KASH5: variants seen among roughly 807,000 people sequenced by gnomAD.
The protein encoded by KASH5 is KASH domain containing 5, also known as protein KASH5.
In KASH5, 72 loss-of-function variants were observed where a neutral mutation model predicts 84.2. That is an observed-to-expected ratio of 0.85 (90% CI 0.71 to 1.04). The LOEUF is 1.04. Among genes scored for constraint, KASH5 ranks in the 50% least tolerant of loss-of-function variants. The pLI is 0.00. For synonymous variants in KASH5, 260 were observed against 279.1 expected, an observed-to-expected ratio of 0.93 and a Z score of 0.68; for missense variants, 650 against 701.0, an observed-to-expected ratio of 0.93 and a Z score of 0.82.
rs2122137709 is a variant in KASH5, at chr19:49,399,176, T to C, written c.747+34T>C. 1.3e-6 allele frequency: 2 copies of C among 1,509,420 alleles called. No homozygotes were observed. The highest frequency in any genetic ancestry group is 8.9e-7 in the Non-Finnish European group (1 of 1,119,540). The allele number at this position is 1,509,420 out of a possible 1,614,324, so 93.5% of individuals were successfully genotyped here. On this transcript the variant is annotated intron_variant, in intron 8 of 19. Coordinates refer to ENST00000447857, the MANE Select transcript of KASH5 (RefSeq NM_144688.5). This position sits in a 1 kb window ranked among gnomAD's most constrained non-coding sequence, Gnocchi z 4.4. ...GGCCCAGGGGAAGGAAGGTGCCCTC[T>C]CTCTTCTTTGTTTCCTGGAGTCAGG... is the stretch of plus-strand genomic sequence containing the variant.
Position 49,408,947 on chromosome 19 carries a change from C to T in KASH5, c.994-20C>T, listed in dbSNP as rs1446760841. The T allele has an allele frequency of 3.8e-6, 6 of 1,566,192 alleles. No homozygotes were observed. In the East Asian group the frequency reaches 1.2e-4, roughly 31 times the overall value. On this transcript the variant is annotated intron_variant, in intron 12 of 19. Coordinates refer to ENST00000447857, the MANE Select transcript of KASH5 (RefSeq NM_144688.5). ...GGAAAAATGCAGAGCCAAATGTGCT[C>T]CCCACTTCCTCCTTTGCAGGAACTG... is the stretch of plus-strand genomic sequence containing the variant.
At position 49,417,701 on chromosome 19, in the gene KASH5, A is replaced by T. The variant is rs1974958383; in HGVS notation, c.*191A>T. 1 of 673,242 alleles carries T rather than the reference A, an allele frequency of 1.5e-6. No individual in the cohort carries two copies. The allele number at this position is 673,242 out of a possible 1,614,324, so 41.7% of individuals were successfully genotyped here. ...GCTGACATTTCTTAACAATAGCAAAACTCCCCCAGTAATGGATTAAGCACT... is the reference window on the plus strand; with the variant it reads ...GCTGACATTTCTTAACAATAGCAAATCTCCCCCAGTAATGGATTAAGCACT... On this transcript the variant is annotated 3_prime_UTR_variant, in exon 20 of 20. Coordinates refer to ENST00000447857, the MANE Select transcript of KASH5 (RefSeq NM_144688.5). This position sits in a 1 kb window ranked among gnomAD's most constrained non-coding sequence, Gnocchi z 5.2.
intron 11 of KASH5, 108 bp downstream of exon 11, chr19:49,407,404 A>T: frequency 7.8e-7 from 1 of 1,279,784 alleles, no homozygotes; most frequent in Non-Finnish European, 1.1e-6. Context: ...TTGGATGTGC[A>T]GCTGGAGAGA....
chr19:49,393,066 C>G (rs73931776), intron 2 of KASH5, among the ~76,000 whole-genome samples: 1 of 152,086 alleles, frequency 6.6e-6, no homozygotes, highest in African/African-American at 2.4e-5. Context: ...TGCAGAGAAT[C>G]CTGGAAGAGT....
intron 15 of KASH5, among the ~76,000 whole-genome samples, chr19:49,410,851 G>T (rs1974687438): frequency 6.6e-6 from 1 of 151,350 alleles, no homozygotes; most frequent in South Asian, 2.1e-4. Context: ...TCAAACTCCT[G>T]GGCTCAAACT....
At position 49,399,205 on chromosome 19, in the gene KASH5, G is replaced by A; in HGVS notation, c.747+63G>A. 3 of 1,395,596 alleles carry A rather than the reference G, an allele frequency of 2.1e-6. No homozygotes were observed. Among genetic ancestry groups the A allele is most frequent in the Non-Finnish European group, 2.9e-6 (3 of 1,023,634 alleles). The allele number at this position is 1,395,596 out of a possible 1,614,324, so 86.5% of individuals were successfully genotyped here. On this transcript the variant is annotated intron_variant, in intron 8 of 19. Coordinates refer to ENST00000447857, the MANE Select transcript of KASH5 (RefSeq NM_144688.5). The surrounding 1 kb of genome is among the most constrained non-coding windows in gnomAD (Gnocchi z 4.4). ...TTCTTTGTTTCCTGGAGTCAGGGCG[G>A]CAGAGTGTGACTATGGAGTAGGAAG...
intron 2 of KASH5, among the ~76,000 whole-genome samples, chr19:49,391,195 G>C (rs774052158): frequency 6.6e-6 from 1 of 152,132 alleles, no homozygotes; most frequent in African/African-American, 2.4e-5. Context: ...TTCAGATCGC[G>C]GCCCAGATGG....
Position 49,417,534 on chromosome 19 carries a change from C to T in KASH5, c.*24C>T, listed in dbSNP as rs1033521734. The T allele has an allele frequency of 2.7e-6, 4 of 1,507,562 alleles. No homozygotes were observed. The highest frequency in any genetic ancestry group is 3.6e-6 in the Non-Finnish European group (4 of 1,123,186). 93.4% of individuals were successfully genotyped at this position (1,507,562 alleles called of 1,614,324 possible). ...GAGAGGCTCTACTTGCCCCTCAGAG[C>T]AGTGTCTAGCTCAATAAATCCCCTG... On this transcript the variant is annotated 3_prime_UTR_variant, in exon 20 of 20. Transcript: ENST00000447857. The surrounding 1 kb of genome is among the most constrained non-coding windows in gnomAD (Gnocchi z 5.2).
intron 1 of KASH5, among the ~76,000 whole-genome samples, chr19:49,389,007 C>CA (rs1269137358): frequency 6.6e-6 from 1 of 151,832 alleles, no homozygotes; most frequent in Non-Finnish European, 1.5e-5. Context: ...GAAATGCACT[C>CA]AGAGACCCCC....
chr19:49,399,383 G>A lies in KASH5; in HGVS notation c.748-74G>A. 1.4e-6 allele frequency: 2 copies of A among 1,438,908 alleles called. No homozygotes were observed. Among genetic ancestry groups the A allele is most frequent in the South Asian group, 1.2e-5 (1 of 81,994 alleles). 89.1% of individuals were successfully genotyped at this position (1,438,908 alleles called of 1,614,324 possible). ...CCCCCAGGCCCTGGTTGTGTTTTCAGGGGTGGGAGAAGGGCAACATGGGGG... is the reference window on the plus strand; with the variant it reads ...CCCCCAGGCCCTGGTTGTGTTTTCAAGGGTGGGAGAAGGGCAACATGGGGG... On this transcript the variant is annotated intron_variant, in intron 8 of 19. Transcript: ENST00000447857. This position sits in a 1 kb window ranked among gnomAD's most constrained non-coding sequence, Gnocchi z 4.4.
Position 49,399,301 on chromosome 19 carries a change from C to G in KASH5, c.748-156C>G, listed in dbSNP as rs2033815781. On this transcript the variant is annotated intron_variant, in intron 8 of 19. Transcript: ENST00000447857. This position sits in a 1 kb window ranked among gnomAD's most constrained non-coding sequence, Gnocchi z 4.4. Reference sequence around the variant, plus strand: ...CCCTAGACTTTTTCAAGCTTACCTGCCATCCTTCTCATGACAAAGGAGACA... The same window carrying G: ...CCCTAGACTTTTTCAAGCTTACCTGGCATCCTTCTCATGACAAAGGAGACA... 1 of 934,914 alleles carries G rather than the reference C, an allele frequency of 1.1e-6. No individual in the cohort carries two copies. The highest frequency in any genetic ancestry group is 1.6e-5 in the South Asian group (1 of 60,614). 57.9% of individuals were successfully genotyped at this position (934,914 alleles called of 1,614,324 possible). A position where few individuals can be genotyped will look rare whatever the true frequency, so the allele number is the denominator to read the frequency against.
chr19:49,394,437 T>C, intron 2 of KASH5, 39 bp from the exon 3 acceptor site: 1 of 1,539,804 alleles, frequency 6.5e-7, no homozygotes, highest in South Asian at 1.1e-5. Context: ...TCCTTCCTTA[T>C]TCTTCCCACT....
In KASH5 at chr19:49,395,439, C is replaced by A; in HGVS notation, c.335+147C>A. The A allele has an allele frequency of 1.1e-6, 1 of 870,208 alleles. No individual in the cohort carries two copies. Among genetic ancestry groups the A allele is most frequent in the Non-Finnish European group, 1.8e-6 (1 of 564,332 alleles). The allele number at this position is 870,208 out of a possible 1,614,324, so 53.9% of individuals were successfully genotyped here. On this transcript the variant is annotated intron_variant, in intron 4 of 19. Coordinates refer to ENST00000447857, the MANE Select transcript of KASH5 (RefSeq NM_144688.5). This position sits in a 1 kb window ranked among gnomAD's most constrained non-coding sequence, Gnocchi z 4.4. ...GAGAGAAAAATGAAGAGACGGGATT[C>A]AGAGGGGGTAGATAGGGAGTCTGAG...
Position 49,409,759 on chromosome 19 carries a change from G to A in KASH5, c.1153G>A (p.Glu385Lys). The change falls in exon 15 of 20, where the codon GAA becomes AAA. Residue 385 changes from glutamate (E) to lysine (K), a missense_variant. Transcript: ENST00000447857. ...GAAACAACTTCTGTCCCAGAAACAGGAAGTGGCAACTGCTGATCTCTCCAA... is the reference window on the plus strand; with the variant it reads ...GAAACAACTTCTGTCCCAGAAACAGAAAGTGGCAACTGCTGATCTCTCCAA... ...LEIEAIRQKQ[E>K]VATADLSNPL... is the part of the protein sequence containing the mutation. 1 of 1,613,922 alleles carries A rather than the reference G, an allele frequency of 6.2e-7. No individual in the cohort carries two copies. The highest frequency in any genetic ancestry group is 8.5e-7 in the Non-Finnish European group (1 of 1,179,836).
At position 49,414,777 on chromosome 19, in the gene KASH5, G is replaced by C. The variant is rs994561061; in HGVS notation, c.1329-174G>C. Among the ~76,000 whole-genome samples, 3 of 141,392 alleles carry C rather than the reference G, an allele frequency of 2.1e-5. No homozygotes were observed. Among genetic ancestry groups the C allele is most frequent in the Non-Finnish European group, 4.6e-5 (3 of 64,532 alleles). The allele number at this position is 141,392 out of a possible 152,430, so 92.8% of individuals were successfully genotyped here. A position where few individuals can be genotyped will look rare whatever the true frequency, so the allele number is the denominator to read the frequency against. On this transcript the variant is annotated intron_variant, in intron 16 of 19. Coordinates refer to ENST00000447857, the MANE Select transcript of KASH5 (RefSeq NM_144688.5). This position sits in a 1 kb window ranked among gnomAD's most constrained non-coding sequence, Gnocchi z 4.5. ...TGCCTGGCCTCCCCCAGGCCCGTCC[G>C]TGCTGCCTGGCCTCCCCCAGGCCCG...
At chr19:49,403,708 CAGA>C (rs1027197334) in intron 9 of KASH5, among the ~76,000 whole-genome samples, 8 of 152,296 alleles carry the variant, frequency 5.3e-5, no homozygotes, top group African/African-American at 1.7e-4. Flanking sequence ...TCGACAAAAG[CAGA>C]AGGAGTAAGC....
At chr19:49,413,083 C>A in intron 16 of KASH5, 57 bp downstream of exon 16, 1 of 1,530,970 alleles carries the variant, frequency 6.5e-7, no homozygotes, top group Non-Finnish European at 9.0e-7. Flanking sequence ...CAGCTGTTTA[C>A]AGTAGGAGGA....
Position 49,417,602 on chromosome 19 carries a change from G to A in KASH5, c.*92G>A, listed in dbSNP as rs759971754. On this transcript the variant is annotated 3_prime_UTR_variant, in exon 20 of 20. Transcript: ENST00000447857. This position sits in a 1 kb window ranked among gnomAD's most constrained non-coding sequence, Gnocchi z 5.2. ...ATCCCCATTGTTAGTCCACTGTTGCGCAGGCTTACCCTAGATAGAGTACAG... is the reference window on the plus strand; with the variant it reads ...ATCCCCATTGTTAGTCCACTGTTGCACAGGCTTACCCTAGATAGAGTACAG... The A allele has an allele frequency of 1.6e-4, 229 of 1,417,682 alleles. No individual in the cohort carries two copies. The highest frequency in any genetic ancestry group is 1.9e-4 in the Non-Finnish European group (202 of 1,077,344). The allele number at this position is 1,417,682 out of a possible 1,614,324, so 87.8% of individuals were successfully genotyped here.
At chr19:49,400,346 T>C (rs1277734855) in intron 9 of KASH5, among the ~76,000 whole-genome samples, 1 of 150,496 alleles carries the variant, frequency 6.6e-6, no homozygotes, top group African/African-American at 2.4e-5. Flanking sequence ...GCCTTTACTT[T>C]TAGTTTCTTT....
Sources: gnomAD v4.1 joint callset for allele counts (sites outside exome capture counted in the v4.1 genomes callset) on GRCh38, gnomAD v4.1.1 for gene constraint, Gnocchi (gnomAD v3.1) non-coding constraint, MANE v1.5 for transcripts, NCBI Gene and HGNC (gene_info 2026-07-23, HGNC 2026-07-21) for gene names.